Variants in TRHDE observed in about 807,000 individuals in gnomAD.
TRHDE encodes thyrotropin-releasing hormone-degrading ectoenzyme.
A neutral mutation model predicts 125.7 loss-of-function variants in TRHDE; 72 were observed. The ratio of observed to expected loss-of-function variants is 0.57; its 90% CI spans 0.47 to 0.70. The LOEUF (loss-of-function observed/expected upper bound fraction) is 0.70. Ranked by LOEUF, TRHDE falls within the 30% of genes least tolerant of loss-of-function variation. The pLI, the probability that TRHDE is intolerant of heterozygous loss-of-function variation, is 0.00. For synonymous variants in TRHDE, 509 were observed against 509.1 expected (o/e 1.00, Z 0.00); for missense variants, 1,110 against 1,327.1 (o/e 0.84, Z 2.54).
At chr12:72,465,690 G>T (rs1876338843) in intron 3 of TRHDE, among the ~76,000 whole-genome samples, 1 of 152,098 alleles carries the variant, frequency 6.6e-6, no homozygotes, top group Non-Finnish European at 1.5e-5. Flanking sequence ...ACAAATGTTT[G>T]TGTAGATATA....
intron 8 of TRHDE, among the ~76,000 whole-genome samples, chr12:72,562,616 T>C (rs187788304): frequency 6.6e-6 from 1 of 152,138 alleles, no homozygotes; most frequent in African/African-American, 2.4e-5. Context: ...AATAATAACA[T>C]TTATTTTATG....
chr12:72,510,430 A>G (rs1878536587), intron 6 of TRHDE, among the ~76,000 whole-genome samples: 1 of 152,166 alleles, frequency 6.6e-6, no homozygotes, highest in Non-Finnish European at 1.5e-5. Flanking sequence ...GCCACTGGAC[A>G]TCCACTTATT....
chr12:72,091,404 C>A (rs976724537), intron 1 of TRHDE, among the ~76,000 whole-genome samples: 3 of 152,156 alleles, frequency 2.0e-5, no homozygotes, highest in Non-Finnish European at 2.9e-5. Flanking sequence ...GTACAAGCCT[C>A]TTTTTAAAAA....
rs183147283 is a variant in TRHDE at position 72,344,907 on chromosome 12, G to A, written c.1189-33088G>A. 6.6e-4 allele frequency among the ~76,000 whole-genome samples: 101 copies of A among 152,068 alleles called. 1 individual carries two copies. The highest frequency in any genetic ancestry group is 1.2e-3 in the Non-Finnish European group (81 of 67,966). ...AGCATGGTCCACACTTGAGAGGAAG[G>A]ATTAAAAAAAGAGGTTCATGTTGGC... On this transcript the variant is annotated intron_variant, in intron 2 of 18. Coordinates refer to ENST00000261180, the MANE Select transcript of TRHDE (RefSeq NM_013381.3).
chr12:72,565,567 T>C (rs1240446123), intron 9 of TRHDE, among the ~76,000 whole-genome samples: 3 of 152,198 alleles, frequency 2.0e-5, no homozygotes, highest in Non-Finnish European at 4.4e-5. Flanking sequence ...TGATTCCCTA[T>C]ACACTGAGGA....
At chr12:72,135,690 T>C (rs1357173150) in intron 2 of TRHDE, among the ~76,000 whole-genome samples, 2 of 152,110 alleles carry the variant, frequency 1.3e-5, no homozygotes, top group East Asian at 1.9e-4. Context: ...GTGGATGAGA[T>C]TGATGAGTAG....
At chr12:72,477,921 G>A (rs2135908664) in intron 5 of TRHDE, among the ~76,000 whole-genome samples, 2 of 152,162 alleles carry the variant, frequency 1.3e-5, no homozygotes, top group South Asian at 4.1e-4. Flanking sequence ...CTTCTATAAT[G>A]AGAATCATTA....
At chr12:72,306,969 T>C (rs1366299820) in intron 2 of TRHDE, among the ~76,000 whole-genome samples, 1 of 152,130 alleles carries the variant, frequency 6.6e-6, no homozygotes, top group Non-Finnish European at 1.5e-5. Context: ...GGCAGAGGAA[T>C]GCCTAGAATG....
intron 1 of TRHDE, chr12:72,274,037 T>C (rs192271011): frequency 2.3e-4 from 36 of 159,134 alleles, no homozygotes; most frequent in Non-Finnish European, 4.0e-4. Context: ...CATGCCCATC[T>C]TCCCTGACTA....
chr12:72,238,275 A>AACATATAT (rs1878375991), intron 2 of TRHDE, among the ~76,000 whole-genome samples: 1 of 38,222 alleles, frequency 2.6e-5, no homozygotes, highest in Non-Finnish European at 4.4e-5. Context: ...TCAGATCCTT[A>AACATATAT]ATATATATAT....
chr12:72,641,866 C>G (rs1297727430), intron 15 of TRHDE, among the ~76,000 whole-genome samples: 1 of 152,018 alleles, frequency 6.6e-6, no homozygotes, highest in Non-Finnish European at 1.5e-5. Flanking sequence ...TATGAATGAA[C>G]AATATATTTT....
chr12:72,506,603 A>G (rs922601606), intron 6 of TRHDE, among the ~76,000 whole-genome samples: 5 of 152,198 alleles, frequency 3.3e-5, no homozygotes, highest in African/African-American at 1.2e-4. Context: ...TAGCAAATAA[A>G]CATTTCAGGA....
chr12:72,152,785 G>A (rs1876401086), intron 2 of TRHDE, among the ~76,000 whole-genome samples: 1 of 152,140 alleles, frequency 6.6e-6, no homozygotes, highest in Non-Finnish European at 1.5e-5. Flanking sequence ...ATGTGCTGCT[G>A]GATTCAGTTT....
intron 2 of TRHDE, among the ~76,000 whole-genome samples, chr12:72,210,175 T>G (rs1444258099): frequency 6.9e-6 from 1 of 144,592 alleles, no homozygotes; most frequent in Non-Finnish European, 1.5e-5. Context: ...AAGATTGATC[T>G]ATCTATCTAT....
At chr12:72,621,289 A>T (rs959134781) in intron 14 of TRHDE, 84 bp downstream of exon 14, 3 of 873,834 alleles carry the variant, frequency 3.4e-6, no homozygotes, top group Non-Finnish European at 5.6e-6. Flanking sequence ...CTTTAGCTGC[A>T]TGAGACAATC....
intron 1 of TRHDE, among the ~76,000 whole-genome samples, chr12:72,088,491 G>T (rs1328744049): frequency 6.6e-6 from 1 of 151,940 alleles, no homozygotes; most frequent in Non-Finnish European, 1.5e-5. Context: ...GATTAGTTAG[G>T]TAGCAGTTTA....
chr12:72,499,756 A>C, intron 6 of TRHDE, 121 bp downstream of exon 6: 1 of 1,097,414 alleles, frequency 9.1e-7, no homozygotes, highest in Non-Finnish European at 1.3e-6. Context: ...TGTGATTTAG[A>C]AAACAGAGTC....
At chr12:72,215,488 T>C (rs1009002125) in intron 2 of TRHDE, among the ~76,000 whole-genome samples, 1 of 152,206 alleles carries the variant, frequency 6.6e-6, no homozygotes, top group Non-Finnish European at 1.5e-5. Flanking sequence ...TTGCCAGTGA[T>C]GGGAAGCACA....
intron 2 of TRHDE, among the ~76,000 whole-genome samples, chr12:72,241,291 C>T (rs550986618): frequency 6.6e-6 from 1 of 152,182 alleles, no homozygotes; most frequent in Non-Finnish European, 1.5e-5. Flanking sequence ...ACTGTGCTAT[C>T]CCTTTGTAGT....
Sources: allele counts gnomAD v4.1 joint callset (sites outside exome capture counted in the v4.1 genomes callset), GRCh38; gene constraint gnomAD v4.1.1; transcripts MANE v1.5; gene names NCBI Gene and HGNC (gene_info 2026-07-23, HGNC 2026-07-21).